The following BTC variants were observed in gnomAD, a reference collection of about 807,000 sequenced individuals.
BTC encodes the protein probetacellulin.
BTC carries 13 observed loss-of-function variants against 18.1 expected under a neutral mutation model. That is an observed-to-expected ratio of 0.72 (90% CI 0.47 to 1.14). The LOEUF (loss-of-function observed/expected upper bound fraction) is 1.14. Among genes scored for constraint, BTC ranks in the 50% most tolerant of loss-of-function variants. The probability of loss-of-function intolerance (pLI) is 0.00; values close to 1 mark genes in which losing one functional copy is unlikely to be tolerated. For synonymous variants in BTC, 83 were observed against 79.4 expected (o/e 1.05, Z -0.24); for missense variants, 247 against 224.2 (o/e 1.10, Z -0.65).
Position 74,781,491 on chromosome 4 carries a change from G to A in BTC, c.65-11335C>T, listed in dbSNP as rs191407110. 2.8e-4 allele frequency among the ~76,000 whole-genome samples: 43 copies of A among 151,872 alleles called. 1 individual carries two copies. In the East Asian group the frequency reaches 7.0e-3, roughly 25 times the overall value. On this transcript the variant is annotated intron_variant, in intron 1 of 5. Coordinates refer to ENST00000395743, the MANE Select transcript of BTC (RefSeq NM_001729.4). ...TAATTTCCTCATAGCTCACTCAAGCGTGGCCTCTTCTTTAGCCTCATCCTC... is the reference window on the plus strand; with the variant it reads ...TAATTTCCTCATAGCTCACTCAAGCATGGCCTCTTCTTTAGCCTCATCCTC...
chr4:74,755,792 C>G (rs941208187), intron 3 of BTC, 67 bp downstream of exon 3: 1 of 1,440,438 alleles, frequency 6.9e-7, no homozygotes, highest in African/African-American at 1.4e-5. Flanking sequence ...ACTTTCCAGT[C>G]CTGGCAAGAC....
chr4:74,750,002 A>G (rs1724416683), intron 4 of BTC, among the ~76,000 whole-genome samples: 2 of 151,084 alleles, frequency 1.3e-5, no homozygotes, highest in Admixed American at 6.6e-5. Context: ...AGGCTGAGGT[A>G]TGAGGATCGC....
intron 1 of BTC, among the ~76,000 whole-genome samples, chr4:74,792,486 C>G (rs1036901026): frequency 3.3e-5 from 5 of 152,202 alleles, no homozygotes; most frequent in African/African-American, 9.6e-5. Flanking sequence ...AGGCGCCCCC[C>G]CTTCCTATAC....
At chr4:74,786,795 C>T (rs1363804200) in intron 1 of BTC, among the ~76,000 whole-genome samples, 1 of 151,904 alleles carries the variant, frequency 6.6e-6, no homozygotes, top group Admixed American at 6.6e-5. Flanking sequence ...CAGTCTGAAT[C>T]CTCAATACAA....
At chr4:74,777,924 G>A (rs1224046871) in intron 1 of BTC, among the ~76,000 whole-genome samples, 1 of 151,862 alleles carries the variant, frequency 6.6e-6, no homozygotes, top group Non-Finnish European at 1.5e-5. Flanking sequence ...AGCATTTGGG[G>A]AACTTTCTTA....
chr4:74,759,483 A>G (rs1238412521), intron 2 of BTC, among the ~76,000 whole-genome samples: 2 of 152,106 alleles, frequency 1.3e-5, no homozygotes, highest in African/African-American at 4.8e-5. Context: ...ACACAATCTC[A>G]TAAGTGGATG....
At position 74,750,565 on chromosome 4, in the gene BTC, A is replaced by G. The variant is rs1724431450; in HGVS notation, c.428+8T>C. ...GATTTACTTAAAATTAAGTTTAAAA[A>G]TACTTACTGACAGCATGTGCAGACA... On this transcript the variant is annotated splice_region_variant and intron_variant, in intron 4 of 5. Transcript: ENST00000395743. 1.9e-5 allele frequency: 31 copies of G among 1,597,350 alleles called. No individual in the cohort carries two copies. The highest frequency in any genetic ancestry group is 2.6e-5 in the Non-Finnish European group (31 of 1,174,980).
intron 1 of BTC, among the ~76,000 whole-genome samples, chr4:74,775,990 A>G (rs1355276990): frequency 1.3e-5 from 2 of 152,196 alleles, no homozygotes; most frequent in Non-Finnish European, 1.5e-5. Flanking sequence ...GACAGAATAA[A>G]GTGGGGCTTT....
At chr4:74,747,170 A>G (rs1383662234) in intron 5 of BTC, among the ~76,000 whole-genome samples, 1 of 152,186 alleles carries the variant, frequency 6.6e-6, no homozygotes, top group African/African-American at 2.4e-5. Context: ...AACCAAAACT[A>G]TCCTGCTTTG....
At chr4:74,750,158 G>A (rs1314918472) in intron 4 of BTC, among the ~76,000 whole-genome samples, 1 of 152,034 alleles carries the variant, frequency 6.6e-6, no homozygotes, top group Non-Finnish European at 1.5e-5. Flanking sequence ...AGAAAAAGCA[G>A]GATGTTTCCT....
intron 3 of BTC, among the ~76,000 whole-genome samples, chr4:74,751,319 G>A (rs62316310): frequency 0.25 from 37,188 of 151,672 alleles, 4,730 homozygotes; most frequent in Middle Eastern, 0.29. Context: ...ACTGCTTGAG[G>A]GCATCACAGA....
At chr4:74,784,634 A>C (rs1268365680) in intron 1 of BTC, among the ~76,000 whole-genome samples, 2 of 152,200 alleles carry the variant, frequency 1.3e-5, no homozygotes, top group African/African-American at 4.8e-5. Flanking sequence ...TTTAACACGA[A>C]GGGATGTTGA....
At chr4:74,767,523 T>C (rs772406603) in intron 2 of BTC, among the ~76,000 whole-genome samples, 1 of 151,900 alleles carries the variant, frequency 6.6e-6, no homozygotes, top group Non-Finnish European at 1.5e-5. Flanking sequence ...ATCTACAGAC[T>C]GACTATCAAA....
intron 2 of BTC, among the ~76,000 whole-genome samples, chr4:74,765,850 G>A (rs1324921505): frequency 2.6e-5 from 4 of 152,094 alleles, no homozygotes; most frequent in African/African-American, 9.7e-5. Flanking sequence ...CTTAATGACA[G>A]GGATATGTTT....
chr4:74,758,967 A>T (rs1724677732), intron 2 of BTC, among the ~76,000 whole-genome samples: 1 of 152,112 alleles, frequency 6.6e-6, no homozygotes, highest in South Asian at 2.1e-4. Context: ...ACACACACAC[A>T]TACACACATA....
intron 1 of BTC, among the ~76,000 whole-genome samples, chr4:74,789,278 ACTATTATGGCAGTTTC>A (rs546824845): frequency 6.6e-6 from 1 of 152,306 alleles, no homozygotes; most frequent in South Asian, 2.1e-4. Flanking sequence ...AATAGTGGTG[ACTATTATGGCAGTTTC>A]CTTTGATCAA....
At chr4:74,757,552 A>G (rs895724485) in intron 2 of BTC, among the ~76,000 whole-genome samples, 2 of 152,218 alleles carry the variant, frequency 1.3e-5, no homozygotes, top group African/African-American at 2.4e-5. Flanking sequence ...ATTGATGTCA[A>G]CTTCCATTCG....
At chr4:74,769,178 C>T (rs2109898942) in intron 2 of BTC, among the ~76,000 whole-genome samples, 1 of 152,274 alleles carries the variant, frequency 6.6e-6, no homozygotes, top group Non-Finnish European at 1.5e-5. Context: ...CCAGGGAATA[C>T]AGGAGGCTCT....
chr4:74,749,420 T>C (rs1724387106), intron 4 of BTC, among the ~76,000 whole-genome samples: 1 of 151,722 alleles, frequency 6.6e-6, no homozygotes, highest in Non-Finnish European at 1.5e-5. Context: ...GATCACGCCG[T>C]TGCAGTGAGC....
Sources: allele counts gnomAD v4.1 joint callset (sites outside exome capture counted in the v4.1 genomes callset), GRCh38; gene constraint gnomAD v4.1.1; transcripts MANE v1.5; gene names NCBI Gene and HGNC (gene_info 2026-07-23, HGNC 2026-07-21).